Variants in RNASEH1 observed in about 807,000 individuals in gnomAD.
RNASEH1 encodes ribonuclease H type II.
In RNASEH1, 27 loss-of-function variants were observed where a neutral mutation model predicts 34.6. That is an observed-to-expected ratio of 0.78 (90% confidence interval 0.58 to 1.08). The LOEUF is 1.08. Among genes scored for constraint, RNASEH1 ranks in the 50% least tolerant of loss-of-function variants. The pLI, the probability that RNASEH1 is intolerant of heterozygous loss-of-function variation, is 0.00. For missense variants in RNASEH1, 349 were observed against 373.6 expected (o/e 0.93, Z 0.54); for synonymous variants, 162 against 138.4 (o/e 1.17, Z -1.20).
intron 2 of RNASEH1, among the ~76,000 whole-genome samples, chr2:3,556,322 T>C (rs1235987550): frequency 6.6e-6 from 1 of 151,392 alleles, no homozygotes; most frequent in African/African-American, 2.4e-5. Flanking sequence ...TTTTTTTTTT[T>C]TTTTGACGAG....
At chr2:3,549,817 G>T (rs977202100) in intron 4 of RNASEH1, among the ~76,000 whole-genome samples, 2 of 152,028 alleles carry the variant, frequency 1.3e-5, no homozygotes, top group Non-Finnish European at 2.9e-5. Context: ...CTGGTGGCAG[G>T]TGCCTGTAGT....
chr2:3,552,365 A>T (rs1177050030), intron 2 of RNASEH1, 57 bp from the exon 3 acceptor site: 14 of 1,494,154 alleles, frequency 9.4e-6, no homozygotes, highest in Non-Finnish European at 1.1e-5. Flanking sequence ...ACGAAATGCT[A>T]GAGAATGAAG....
the RNASEH1 span, among the ~76,000 whole-genome samples, chr2:3,534,833 A>G: frequency 6.6e-6 from 1 of 152,236 alleles, no homozygotes; most frequent in East Asian, 1.9e-4. Flanking sequence ...CTTAGAAGGA[A>G]GGGAATTCTC....
At chr2:3,557,035 C>T in intron 1 of RNASEH1, 131 bp from the exon 2 acceptor site, 2 of 660,218 alleles carry the variant, frequency 3.0e-6, no homozygotes, top group Non-Finnish European at 5.4e-6. Context: ...AAGTCCTCCA[C>T]CCCATCACAG....
At chr2:3,548,320 A>G (rs1055330507) in intron 6 of RNASEH1, among the ~76,000 whole-genome samples, 2 of 152,198 alleles carry the variant, frequency 1.3e-5, no homozygotes, top group Non-Finnish European at 2.9e-5. Context: ...CCTCGTAAGC[A>G]TCCCCTACAT....
Position 3,548,070 on chromosome 2 carries a change from G to C in RNASEH1, c.650-15C>G. 1.2e-6 allele frequency: 2 copies of C among 1,613,620 alleles called. No individual in the cohort carries two copies. The highest frequency in any genetic ancestry group is 2.2e-5 in the South Asian group (2 of 91,034). Reference sequence around the variant, plus strand: ...GTTAGTTATACCTACAAAAATGCACGATCACTGGTGAGTCAATCTTGAGTG... The same window carrying C: ...GTTAGTTATACCTACAAAAATGCACCATCACTGGTGAGTCAATCTTGAGTG... On this transcript the variant is annotated splice_polypyrimidine_tract_variant and intron_variant, in intron 6 of 7. Coordinates refer to ENST00000315212, the MANE Select transcript of RNASEH1 (RefSeq NM_002936.6).
chr2:3,538,433 G>A (rs1176688961), downstream of RNASEH1, among the ~76,000 whole-genome samples: 1 of 151,864 alleles, frequency 6.6e-6, no homozygotes, highest in African/African-American at 2.4e-5. Flanking sequence ...TCTCATTACC[G>A]CCCTGTTCCC....
downstream of RNASEH1, among the ~76,000 whole-genome samples, chr2:3,541,253 CG>C (rs1208713475): frequency 6.6e-6 from 1 of 151,210 alleles, no homozygotes; most frequent in Non-Finnish European, 1.5e-5. Context: ...GGTGTGAACC[CG>C]GGAGGCAGAG....
rs1668367802 is a variant in RNASEH1 at position 3,542,283 on chromosome 2, G to T, written c.*3502C>A. On this transcript the variant is annotated 3_prime_UTR_variant, in exon 8 of 8. Transcript: ENST00000315212. ...ACCAGGACAACCAATACCAACACATGACACATTCGAATAAAACGGCCGACT... is the reference window on the plus strand; with the variant it reads ...ACCAGGACAACCAATACCAACACATTACACATTCGAATAAAACGGCCGACT... 6.6e-6 allele frequency among the ~76,000 whole-genome samples: 1 copy of T among 152,110 alleles called. No homozygotes were observed. The highest frequency in any genetic ancestry group is 2.1e-4 in the South Asian group (1 of 4,826).
In RNASEH1 at chr2:3,550,402, G is replaced by C. The variant is rs369711753; in HGVS notation, c.480C>G (p.Ile160Met). ...SNGRRRPRAG[I>M]GVYWGPGHPL... is the part of the protein sequence containing the mutation. ...GATGGCCTGGCCCCCAGTAAACGCC[G>C]ATTCCTGCTCGCGGCCTTCTACGCC... Residue 160 changes from isoleucine to methionine, a missense_variant, in exon 4 of 8, where the codon ATC becomes ATG. Transcript: ENST00000315212. 7.4e-6 allele frequency: 12 copies of C among 1,613,950 alleles called. No homozygotes were observed. The highest frequency in any genetic ancestry group is 8.5e-6 in the Non-Finnish European group (10 of 1,179,970).
At chr2:3,532,003 A>G in the RNASEH1 span, 25 of 493,736 alleles carry the variant, frequency 5.1e-5, no homozygotes, top group East Asian at 2.5e-4. Context: ...GGAGACAGAG[A>G]AAGGTTTATT....
At chr2:3,556,535 A>T (rs183214039) in intron 2 of RNASEH1, among the ~76,000 whole-genome samples, 2,822 of 152,090 alleles carry the variant, frequency 0.019, 48 homozygotes, top group South Asian at 0.062. Context: ...GTATTTTTTT[A>T]AAAAAAGACA....
At chr2:3,537,686 A>G (rs578065258), downstream of RNASEH1, among the ~76,000 whole-genome samples, 1 of 151,838 alleles carries the variant, frequency 6.6e-6, no homozygotes, top group Non-Finnish European at 1.5e-5. Flanking sequence ...GCGCCACTGT[A>G]CTCCAGCCTA....
Position 3,550,142 on chromosome 2 carries a change from TA to T in RNASEH1, c.509+230del, listed in dbSNP as rs1162099553. On this transcript the variant is annotated intron_variant, in intron 4 of 7. Transcript: ENST00000315212. ...TGGGCAACAGTGTGAGACCGTGTCT[TA>T]AAAAAAAAAAAAAAAAAAAAAAAAG... 43,642 of 239,386 alleles carry T rather than the reference TA, an allele frequency of 0.18. 1,051 individuals carry two copies. Among genetic ancestry groups the T allele is most frequent in the African/African-American group, 0.28 (6,295 of 22,586 alleles). 14.8% of individuals were successfully genotyped at this position (239,386 alleles called of 1,614,324 possible).
In RNASEH1 at chr2:3,549,059, T is replaced by A; in HGVS notation, c.563A>T (p.His188Leu). The change falls in exon 5 of 8, where the codon CAT becomes CTT. Residue 188 changes from histidine to leucine, a missense_variant and splice_region_variant. By Grantham distance (99) the His-to-Leu change is moderately conservative (BLOSUM62 -3). Around this residue, in one of 2 missense-constraint regions of RNASEH1, gnomAD observed 93 missense variants for 132.9 expected, o/e 0.70. Transcript: ENST00000315212. ...GRQTNQRAEI[H>L]AACKAIEQAK... The stretch of plus-strand genomic sequence containing the variant: ...GCTTAAACGTATCTGATAACTTACA[T>A]GAATTTCCGCTCTTTGGTTTGTCTG... The A allele has an allele frequency of 6.2e-7, 1 of 1,612,612 alleles. No individual in the cohort carries two copies. The highest frequency in any genetic ancestry group is 2.2e-5 in the East Asian group (1 of 44,862).
chr2:3,548,397 A>G (rs1383892587), intron 6 of RNASEH1, among the ~76,000 whole-genome samples: 1 of 152,214 alleles, frequency 6.6e-6, no homozygotes, highest in East Asian at 1.9e-4. Context: ...ATACACACAC[A>G]GACTAGAAGT....
Position 3,552,247 on chromosome 2 carries a change from T to C in RNASEH1, c.306A>G (p.Pro102=), listed in dbSNP as rs141119400. 1.1e-4 allele frequency: 184 copies of C among 1,614,044 alleles called. No individual in the cohort carries two copies. Among genetic ancestry groups the C allele is most frequent in the Non-Finnish European group, 1.4e-4 (163 of 1,180,014 alleles). ...CGCTTTCATGTCCATCTCCATCCAG[T>C]GGCTCACGGAGTCGCTTGCTGGCTT... ...EAKASKRLRE[P]LDGDGHESAE... is the part of the protein sequence containing the mutation. Residue 102 remains proline (P), a synonymous_variant, in exon 3 of 8, where the codon CCA becomes CCG. Coordinates refer to ENST00000315212, the MANE Select transcript of RNASEH1 (RefSeq NM_002936.6).
Position 3,542,522 on chromosome 2 carries a change from G to A in RNASEH1, c.*3263C>T, listed in dbSNP as rs1468305923. On this transcript the variant is annotated 3_prime_UTR_variant, in exon 8 of 8. Transcript: ENST00000315212. ...GAAACTCAAGGAATACTGTCCCCAA[G>A]ATGACACTGACTATAGACTGGTTAT... Among the ~76,000 whole-genome samples, 1 of 152,208 alleles carries A rather than the reference G, an allele frequency of 6.6e-6. No homozygotes were observed. Among genetic ancestry groups the A allele is most frequent in the African/African-American group, 2.4e-5 (1 of 41,460 alleles).
chr2:3,556,848 G>A lies in RNASEH1; in HGVS notation c.185C>T (p.Ala62Val). Reference sequence around the variant, plus strand: ...AAAGGCCCAGGCCTCATCCTCTGTGGCAAACTTCTTAAATCTGGCAGCAGG... The same window carrying A: ...AAAGGCCCAGGCCTCATCCTCTGTGACAAACTTCTTAAATCTGGCAGCAGG... ...RFPAARFKKF[A>V]TEDEAWAFVR... is the part of the protein sequence containing the mutation. The change falls in exon 2 of 8, where the codon GCC becomes GTC. Residue 62 changes from alanine to valine, a missense_variant. Physicochemically the swap from Ala to Val is moderately conservative, Grantham distance 64 (BLOSUM62 0). This residue lies in a region of RNASEH1 where 256 missense variants were observed against 240.7 expected (regional missense o/e 1.06). Coordinates refer to ENST00000315212, the MANE Select transcript of RNASEH1 (RefSeq NM_002936.6). The A allele has an allele frequency of 6.2e-7, 1 of 1,614,110 alleles. No individual in the cohort carries two copies. The highest frequency in any genetic ancestry group is 1.1e-5 in the South Asian group (1 of 91,086).
Sources: allele counts gnomAD v4.1 joint callset (sites outside exome capture counted in the v4.1 genomes callset), GRCh38; gene constraint gnomAD v4.1.1; regional missense constraint gnomAD v4.1.1; transcripts MANE v1.5; gene names NCBI Gene and HGNC (gene_info 2026-07-23, HGNC 2026-07-21).